The following ANKRD30A variants were observed in gnomAD, a reference collection of about 807,000 sequenced individuals.
ANKRD30A encodes ankyrin repeat domain 30A, also known as ankyrin repeat domain-containing protein 30A.
ANKRD30A carries 170 observed loss-of-function variants against 166.3 expected under a neutral mutation model. The observed-to-expected ratio is 1.02, with a 90% confidence interval of 0.90 to 1.16. The LOEUF (loss-of-function observed/expected upper bound fraction) is 1.16, where lower values mean the gene tolerates loss of function less well. Among genes scored for constraint, ANKRD30A ranks in the 50% most tolerant of loss-of-function variants. The probability of loss-of-function intolerance (pLI) is 0.00; values close to 1 mark genes in which losing one functional copy is unlikely to be tolerated. For synonymous variants in ANKRD30A, 564 were observed against 508.9 expected (o/e 1.11, Z -1.46); for missense variants, 1,630 against 1,518.0 (o/e 1.07, Z -1.23).
At chr10:37,243,472 T>C in the ANKRD30A span, among the ~76,000 whole-genome samples, 1 of 151,952 alleles carries the variant, frequency 6.6e-6, no homozygotes, top group Admixed American at 6.6e-5. Context: ...TCTTGAAAAA[T>C]ATCTGCTAAC....
chr10:37,200,382 A>G (rs1841522238), intron 30 of ANKRD30A, among the ~76,000 whole-genome samples: 1 of 152,050 alleles, frequency 6.6e-6, no homozygotes, highest in African/African-American at 2.4e-5. Flanking sequence ...ATTTTCACAA[A>G]TGGAACTCCT....
chr10:37,137,030 CA>C (rs1836746197), intron 6 of ANKRD30A, among the ~76,000 whole-genome samples: 1 of 151,938 alleles, frequency 6.6e-6, no homozygotes, highest in Admixed American at 6.6e-5. Context: ...TATGTTTCCT[CA>C]ACTGTCCTAA....
At chr10:37,128,671 C>T (rs573959972) in intron 1 of ANKRD30A, among the ~76,000 whole-genome samples, 3 of 152,066 alleles carry the variant, frequency 2.0e-5, no homozygotes, top group South Asian at 4.1e-4. Flanking sequence ...AGCTGAATGC[C>T]TATTGTGTAA....
At chr10:37,183,347 G>GCC (rs1198200230) in intron 24 of ANKRD30A, among the ~76,000 whole-genome samples, 4 of 144,680 alleles carry the variant, frequency 2.8e-5, no homozygotes, top group Non-Finnish European at 6.2e-5. Flanking sequence ...GAACTATTAG[G>GCC]CCCCCGGTGT....
Position 37,130,005 on chromosome 10 carries a change from A to C in ANKRD30A, c.334A>C (p.Lys112Gln), listed in dbSNP as rs2132505901. 6.5e-7 allele frequency: 1 copy of C among 1,527,008 alleles called. No homozygotes were observed. The highest frequency in any genetic ancestry group is 2.4e-5 in the East Asian group (1 of 41,322). The allele number at this position is 1,527,008 out of a possible 1,614,324, so 94.6% of individuals were successfully genotyped here. Reference protein sequence around the residue: ...LDGEHRTPLMKALQCHQEACA... With the variant: ...LDGEHRTPLMQALQCHQEACA... ...TGGCGAACACAGGACACCTCTGATG[A>C]AGGTAAATAGTAGCCAGATTTTTCA... The change falls in exon 2 of 36, where the codon AAG becomes CAG. Residue 112 changes from lysine (K) to glutamine (Q), a missense_variant and splice_region_variant. By Grantham distance (53) the Lys-to-Gln change is moderately conservative. Around this residue, in one of 4 missense-constraint regions of ANKRD30A, gnomAD observed 904 missense variants for 818.5 expected, o/e 1.10. Coordinates refer to ENST00000361713, the MANE Select transcript of ANKRD30A (RefSeq NM_052997.3).
intron 1 of ANKRD30A, among the ~76,000 whole-genome samples, chr10:37,128,483 TTTA>T (rs980243847): frequency 3.9e-5 from 6 of 152,088 alleles, no homozygotes; most frequent in African/African-American, 1.4e-4. Context: ...GACACATATT[TTTA>T]TTATATATAG....
At chr10:37,233,717 A>G (rs950011805), downstream of ANKRD30A, among the ~76,000 whole-genome samples, 3 of 152,174 alleles carry the variant, frequency 2.0e-5, no homozygotes, top group Non-Finnish European at 2.9e-5. Flanking sequence ...CAAAATTCTT[A>G]GAGATACAGA....
At chr10:37,194,466 G>C (rs187811608) in intron 27 of ANKRD30A, among the ~76,000 whole-genome samples, 1 of 151,658 alleles carries the variant, frequency 6.6e-6, no homozygotes, top group Non-Finnish European at 1.5e-5. Flanking sequence ...TCAGCCTCCC[G>C]AGTAGCTGGG....
intron 31 of ANKRD30A, among the ~76,000 whole-genome samples, chr10:37,215,943 A>G (rs1317154759): frequency 6.6e-6 from 1 of 151,070 alleles, no homozygotes; most frequent in Non-Finnish European, 1.5e-5. Context: ...TTCTTACAGT[A>G]TCTATCTGAA....
chr10:37,144,783 G>T (rs73242779), intron 7 of ANKRD30A, among the ~76,000 whole-genome samples: 9 of 149,708 alleles, frequency 6.0e-5, no homozygotes, highest in African/African-American at 2.2e-4. Context: ...TAATTTTTTT[G>T]CATTCTAATG....
intron 25 of ANKRD30A, among the ~76,000 whole-genome samples, chr10:37,191,502 C>A (rs543619199): frequency 6.6e-6 from 1 of 151,788 alleles, no homozygotes; most frequent in Non-Finnish European, 1.5e-5. Flanking sequence ...TAGCATTCTA[C>A]GTTCAGCTTT....
At chr10:37,205,960 C>T (rs1373848510) in intron 31 of ANKRD30A, among the ~76,000 whole-genome samples, 1 of 152,062 alleles carries the variant, frequency 6.6e-6, no homozygotes, top group East Asian at 1.9e-4. Flanking sequence ...CAAGACATAA[C>T]AGAGTCAAGG....
intron 29 of ANKRD30A, among the ~76,000 whole-genome samples, chr10:37,199,036 T>C (rs1420898027): frequency 2.6e-5 from 4 of 152,126 alleles, no homozygotes; most frequent in African/African-American, 7.2e-5. Context: ...TTTTTTCCTA[T>C]ACATTTCTCA....
At chr10:37,165,261 A>C in intron 18 of ANKRD30A, 106 bp downstream of exon 18, 2 of 1,084,668 alleles carry the variant, frequency 1.8e-6, no homozygotes, top group South Asian at 1.4e-5. Context: ...GTCACCCTCA[A>C]ATTATTTTTG....
chr10:37,138,057 A>G (rs1363282557), intron 6 of ANKRD30A, among the ~76,000 whole-genome samples: 1 of 152,108 alleles, frequency 6.6e-6, no homozygotes, highest in Non-Finnish European at 1.5e-5. Context: ...AGGCAGCAAC[A>G]TTTGCTGTTC....
At chr10:37,145,462 C>T (rs1837432759) in intron 8 of ANKRD30A, among the ~76,000 whole-genome samples, 1 of 151,394 alleles carries the variant, frequency 6.6e-6, no homozygotes, top group African/African-American at 2.4e-5. Flanking sequence ...GGCCATTGCA[C>T]TCCAGTCTGG....
chr10:37,126,550 G>T (rs1836028003), intron 1 of ANKRD30A, among the ~76,000 whole-genome samples: 2 of 152,052 alleles, frequency 1.3e-5, no homozygotes, highest in African/African-American at 2.4e-5. Flanking sequence ...GTGGGAAGAT[G>T]GTTTATGTTC....
chr10:37,219,874 GA>G lies in ANKRD30A; in HGVS notation c.4167del (p.Glu1390ArgfsTer36). ...NHLKNRIYQY[E>X]KEKAETENS Reference sequence around the variant, plus strand: ...TTTAAAAAACCGTATATATCAATATGAAAAAGAGAAAGCAGAAACAGAAGTA... The same window carrying G: ...TTTAAAAAACCGTATATATCAATATGAAAAGAGAAAGCAGAAACAGAAGTA... On this transcript the variant is annotated frameshift_variant, in exon 34 of 36. Coordinates refer to ENST00000361713, the MANE Select transcript of ANKRD30A (RefSeq NM_052997.3). LOFTEE classifies it high-confidence loss of function. 1 of 1,513,462 alleles carries G rather than the reference GA, an allele frequency of 6.6e-7. No individual in the cohort carries two copies. The highest frequency in any genetic ancestry group is 8.8e-7 in the Non-Finnish European group (1 of 1,130,220). 93.8% of individuals were successfully genotyped at this position (1,513,462 alleles called of 1,614,324 possible).
At chr10:37,191,405 A>C (rs1190444322) in intron 25 of ANKRD30A, among the ~76,000 whole-genome samples, 1 of 151,998 alleles carries the variant, frequency 6.6e-6, no homozygotes, top group African/African-American at 2.4e-5. Context: ...TGGCTTCTCA[A>C]TGACAGGACA....
Sources: allele counts gnomAD v4.1 joint callset (sites outside exome capture counted in the v4.1 genomes callset), GRCh38; gene constraint gnomAD v4.1.1; regional missense constraint gnomAD v4.1.1; transcripts MANE v1.5; gene names NCBI Gene and HGNC (gene_info 2026-07-23, HGNC 2026-07-21).